Variants in PTPRD observed in about 807,000 individuals in gnomAD.
PTPRD encodes the protein protein tyrosine phosphatase receptor type D.
PTPRD carries 34 observed loss-of-function variants against 214.5 expected under a neutral mutation model. The ratio of observed to expected loss-of-function variants is 0.16; its 90% CI spans 0.12 to 0.21. PTPRD has a LOEUF of 0.21. Among genes scored for constraint, PTPRD ranks in the 10% least tolerant of loss-of-function variants. The pLI is 1.00. For missense variants in PTPRD, 2,545 were observed against 2,398.7 expected, an observed-to-expected ratio of 1.06 and a Z score of -1.27; for synonymous variants, 1,128 against 845.7, an observed-to-expected ratio of 1.33 and a Z score of -5.79.
chr9:9,587,111 CA>C (rs1236728603), intron 7 of PTPRD, among the ~76,000 whole-genome samples: 1 of 151,500 alleles, frequency 6.6e-6, no homozygotes, highest in East Asian at 1.9e-4. Flanking sequence ...AGAGGGGAGA[CA>C]AAAAAATTAT....
At chr9:9,721,418 T>A (rs2097942239) in intron 7 of PTPRD, among the ~76,000 whole-genome samples, 1 of 152,132 alleles carries the variant, frequency 6.6e-6, no homozygotes, top group African/African-American at 2.4e-5. Flanking sequence ...GTAGAAATAA[T>A]TTATAAGAAT....
At chr9:10,485,177 A>G (rs1414947741) in intron 2 of PTPRD, among the ~76,000 whole-genome samples, 2 of 152,034 alleles carry the variant, frequency 1.3e-5, no homozygotes, top group Admixed American at 1.3e-4. Flanking sequence ...CACTGCAGGT[A>G]TGTAAACTTC....
At chr9:8,333,897 C>T (rs867415530) in intron 43 of PTPRD, among the ~76,000 whole-genome samples, 4 of 151,858 alleles carry the variant, frequency 2.6e-5, no homozygotes, top group South Asian at 4.2e-4. Context: ...TCTGATAAAA[C>T]TGATGACTTT....
At chr9:10,106,013 C>CAAAAAAAAAA (rs35421883) in intron 3 of PTPRD, among the ~76,000 whole-genome samples, 2 of 56,670 alleles carry the variant, frequency 3.5e-5, no homozygotes, top group Non-Finnish European at 3.4e-5. Flanking sequence ...ATCACATATT[C>CAAAAAAAAAA]AAAAAAAAAA....
chr9:9,545,337 T>A (rs1228455973), intron 8 of PTPRD, among the ~76,000 whole-genome samples: 1 of 151,816 alleles, frequency 6.6e-6, no homozygotes, highest in African/African-American at 2.4e-5. Flanking sequence ...TGACAACTAC[T>A]GATATTTTTA....
chr9:8,401,636 C>A (rs1207842394), intron 36 of PTPRD, among the ~76,000 whole-genome samples: 3 of 152,068 alleles, frequency 2.0e-5, no homozygotes, highest in Non-Finnish European at 4.4e-5. Flanking sequence ...CACATTACTG[C>A]CCACACACAA....
chr9:9,529,833 A>G (rs1336253743), intron 8 of PTPRD, among the ~76,000 whole-genome samples: 1 of 151,526 alleles, frequency 6.6e-6, no homozygotes, highest in African/African-American at 2.4e-5. Flanking sequence ...ACATAAATAT[A>G]TTTACACACA....
intron 5 of PTPRD, among the ~76,000 whole-genome samples, chr9:9,849,128 G>T (rs560837276): frequency 2.0e-5 from 3 of 151,768 alleles, no homozygotes; most frequent in African/African-American, 4.8e-5. Context: ...AAATAAAGTT[G>T]TTGATTTACT....
At chr9:9,607,431 T>C (rs190014184) in intron 7 of PTPRD, among the ~76,000 whole-genome samples, 344 of 152,238 alleles carry the variant, frequency 2.3e-3, no homozygotes, top group African/African-American at 8.0e-3. Context: ...GAAAGAGAAA[T>C]TATTAATACC....
At chr9:8,966,149 C>A (rs1188849765) in intron 11 of PTPRD, among the ~76,000 whole-genome samples, 3 of 152,088 alleles carry the variant, frequency 2.0e-5, no homozygotes, top group Admixed American at 6.6e-5. Context: ...ACAGTCCATG[C>A]ATATGGATTG....
At chr9:10,347,520 C>A (rs776288425) in intron 2 of PTPRD, among the ~76,000 whole-genome samples, 1 of 150,580 alleles carries the variant, frequency 6.6e-6, no homozygotes, top group African/African-American at 2.4e-5. Context: ...AAGCAATTCT[C>A]CTGCCTCAGC....
intron 5 of PTPRD, among the ~76,000 whole-genome samples, chr9:9,916,136 C>T (rs1049267857): frequency 2.0e-5 from 3 of 150,128 alleles, no homozygotes; most frequent in Admixed American, 6.6e-5. Flanking sequence ...GCAAAACCAT[C>T]TTTCAAAAAT....
At chr9:10,320,788 C>T (rs1016535313) in intron 3 of PTPRD, among the ~76,000 whole-genome samples, 3 of 151,988 alleles carry the variant, frequency 2.0e-5, no homozygotes, top group African/African-American at 7.2e-5. Flanking sequence ...AGTACAGTGG[C>T]ATGATCTTGG....
chr9:9,964,183 A>C lies in PTPRD; in HGVS notation c.-471-25573T>G, dbSNP rs539894186. Among the ~76,000 whole-genome samples, 369 of 137,564 alleles carry C rather than the reference A, an allele frequency of 2.7e-3. 1 individual carries two copies. The highest frequency in any genetic ancestry group is 3.2e-3 in the Non-Finnish European group (191 of 59,828). 90.2% of individuals were successfully genotyped at this position (137,564 alleles called of 152,430 possible). ...TCTATTTCAATTTGAAGGTTTCTCA[A>C]ATTGGGGGAAAAAAGAATCATCAAG... is the stretch of plus-strand genomic sequence containing the variant. On this transcript the variant is annotated intron_variant, in intron 4 of 45. Transcript: ENST00000381196.
intron 3 of PTPRD, among the ~76,000 whole-genome samples, chr9:10,138,974 T>A (rs922504994): frequency 2.0e-5 from 3 of 151,854 alleles, no homozygotes; most frequent in African/African-American, 7.3e-5. Flanking sequence ...CCACCCCCCT[T>A]GAGAACAAGG....
intron 2 of PTPRD, among the ~76,000 whole-genome samples, chr9:10,383,944 G>T (rs2097864867): frequency 6.6e-6 from 1 of 151,504 alleles, no homozygotes; most frequent in African/African-American, 2.4e-5. Flanking sequence ...CTACCAAGGA[G>T]TTTTGAAAAT....
In PTPRD at chr9:8,485,807, G is replaced by T. The variant is rs2135907374; in HGVS notation, c.3010C>A (p.Pro1004Thr). Residue 1004 changes from proline to threonine, a missense_variant, in exon 28 of 46, where the codon CCA (proline) becomes ACA (threonine). By Grantham distance (38) the Pro-to-Thr change is conservative (BLOSUM62 -1). Transcript: ENST00000381196. The stretch of plus-strand genomic sequence containing the variant: ...CTGAACTGGACACTGGGACTATATG[G>T]CCCGGGCCCTTTGCTCGTATGAGCA... ...VRAHTSKGPG[P>T]YSPSVQFRTL... 6.2e-7 allele frequency: 1 copy of T among 1,613,814 alleles called. No homozygotes were observed. The highest frequency in any genetic ancestry group is 8.5e-7 in the Non-Finnish European group (1 of 1,180,004).
chr9:8,730,042 G>A (rs937859722), intron 12 of PTPRD, among the ~76,000 whole-genome samples: 1 of 152,056 alleles, frequency 6.6e-6, no homozygotes, highest in African/African-American at 2.4e-5. Context: ...GGATCACGAG[G>A]TGAGGAGATC....
At chr9:8,496,294 T>C (rs1222679562) in intron 26 of PTPRD, among the ~76,000 whole-genome samples, 1 of 152,106 alleles carries the variant, frequency 6.6e-6, no homozygotes, top group Non-Finnish European at 1.5e-5. Context: ...GGACTTCTTT[T>C]ACTATCTTGG....
Sources: allele counts gnomAD v4.1 joint callset (sites outside exome capture counted in the v4.1 genomes callset), GRCh38; gene constraint gnomAD v4.1.1; transcripts MANE v1.5; gene names NCBI Gene and HGNC (gene_info 2026-07-23, HGNC 2026-07-21).